The following TSG101 variants were observed in gnomAD, a reference collection of about 807,000 sequenced individuals.
The protein encoded by TSG101 is tumor susceptibility gene 101 protein.
TSG101 carries 19 observed loss-of-function variants against 48.5 expected under a neutral mutation model. The ratio of observed to expected loss-of-function variants is 0.39; its 90% CI spans 0.27 to 0.58. The LOEUF is 0.58. Among genes scored for constraint, TSG101 ranks in the 20% least tolerant of loss-of-function variants. The pLI, the probability that TSG101 is intolerant of heterozygous loss-of-function variation, is 0.55. For synonymous variants in TSG101, 174 were observed against 169.4 expected (o/e 1.03, Z -0.21); for missense variants, 365 against 484.4 (o/e 0.75, Z 2.31).
At chr11:18,506,159 T>A (rs1191539556) in intron 6 of TSG101, among the ~76,000 whole-genome samples, 1 of 152,084 alleles carries the variant, frequency 6.6e-6, no homozygotes, top group Non-Finnish European at 1.5e-5. Context: ...TGTGTGTGTA[T>A]AATTTGAAAG....
chr11:18,484,166 G>C (rs751924467), intron 7 of TSG101, 94 bp from the exon 8 acceptor site: 1 of 1,248,726 alleles, frequency 8.0e-7, no homozygotes, highest in East Asian at 2.3e-5. Flanking sequence ...AATATGAACC[G>C]ACACTTTCAA....
chr11:18,506,653 G>A (rs1185257136), intron 6 of TSG101, among the ~76,000 whole-genome samples: 3 of 151,698 alleles, frequency 2.0e-5, no homozygotes, highest in Non-Finnish European at 4.4e-5. Context: ...TTGCGCCACT[G>A]TACTCCAGCC....
At chr11:18,502,770 T>G (rs911356626) in intron 6 of TSG101, among the ~76,000 whole-genome samples, 193 bp from the exon 7 acceptor site, 16 of 152,236 alleles carry the variant, frequency 1.1e-4, no homozygotes. Context: ...CATTTACTCT[T>G]AAATGGCTAA....
Position 18,512,176 on chromosome 11 carries a change from G to A in TSG101, c.357+2502C>T, listed in dbSNP as rs77363968. Among the ~76,000 whole-genome samples, 511 of 152,124 alleles carry A rather than the reference G, an allele frequency of 3.4e-3. 5 individuals are homozygous for A. Among genetic ancestry groups the A allele is most frequent in the East Asian group, 0.03 (157 of 5,174 alleles). On this transcript the variant is annotated intron_variant, in intron 4 of 9. Coordinates refer to ENST00000251968, the MANE Select transcript of TSG101 (RefSeq NM_006292.4). ...TCCCAGCACTTTGGGAGGCTGAGGC[G>A]GACGGATCACCTGAAGTCAAGAGTT... is the stretch of plus-strand genomic sequence containing the variant.
At chr11:18,525,540 T>TAAAAAAAAA (rs756622322) in intron 1 of TSG101, 1 of 110,558 alleles carries the variant, frequency 9.0e-6, no homozygotes, top group African/African-American at 5.1e-5. Context: ...AGCAAGACTC[T>TAAAAAAAAA]AAAAAAAAAA....
At chr11:18,514,552 T>C in intron 4 of TSG101, 126 bp downstream of exon 4, 1 of 629,352 alleles carries the variant, frequency 1.6e-6, no homozygotes, top group South Asian at 4.5e-5. Context: ...CTCAACTCAG[T>C]GATTAGTCCA....
At position 18,483,292 on chromosome 11, in the gene TSG101, C is replaced by T. The variant is rs185527919; in HGVS notation, c.843+578G>A. On this transcript the variant is annotated intron_variant, in intron 8 of 9. Coordinates refer to ENST00000251968, the MANE Select transcript of TSG101 (RefSeq NM_006292.4). The stretch of plus-strand genomic sequence containing the variant: ...GGTGGATCACCTGAGATCAGGAGTT[C>T]GGGACGAGCCTGGCCAACATGGTGA... Among the ~76,000 whole-genome samples, 560 of 152,072 alleles carry T rather than the reference C, an allele frequency of 3.7e-3. 2 individuals are homozygous for T. The highest frequency in any genetic ancestry group is 0.013 in the African/African-American group (540 of 41,458).
intron 7 of TSG101, among the ~76,000 whole-genome samples, chr11:18,496,595 G>A (rs1214062036): frequency 2.6e-5 from 4 of 152,098 alleles, no homozygotes; most frequent in Admixed American, 6.5e-5. Flanking sequence ...AGGCCAGCAC[G>A]GGTGGATCAC....
rs1396932268 is a variant in TSG101, at chr11:18,480,528, C to T, written c.*18G>A. On this transcript the variant is annotated 3_prime_UTR_variant, in exon 10 of 10. Coordinates refer to ENST00000251968, the MANE Select transcript of TSG101 (RefSeq NM_006292.4). ...AATACTTTAAGAAGAGCTCAACCTC[C>T]AGCTGGTATCAGAGAAGTCAGTAGA... The T allele has an allele frequency of 1.2e-6, 2 of 1,605,284 alleles. No individual in the cohort carries two copies. The highest frequency in any genetic ancestry group is 1.3e-5 in the African/African-American group (1 of 74,756).
At chr11:18,484,596 A>G (rs1310776642) in intron 7 of TSG101, among the ~76,000 whole-genome samples, 2 of 152,118 alleles carry the variant, frequency 1.3e-5, no homozygotes, top group African/African-American at 4.8e-5. Context: ...CTTTACCAAC[A>G]GGACAGAACA....
At chr11:18,514,622 C>G (rs1850139606) in intron 4 of TSG101, 56 bp downstream of exon 4, 1 of 1,428,074 alleles carries the variant, frequency 7.0e-7, no homozygotes, top group Non-Finnish European at 9.2e-7. Flanking sequence ...AAAGCAGATG[C>G]TAGTGAGCAA....
intron 7 of TSG101, among the ~76,000 whole-genome samples, chr11:18,501,649 A>G (rs964881813): frequency 6.6e-6 from 1 of 152,228 alleles, no homozygotes; most frequent in African/African-American, 2.4e-5. Context: ...TTCTATGGAA[A>G]CTGACATTGG....
chr11:18,481,416 G>A lies in TSG101; in HGVS notation c.1083+214C>T, dbSNP rs1849537757. 3.3e-5 allele frequency: 44 copies of A among 1,344,210 alleles called. 1 individual carries two copies. Among genetic ancestry groups the A allele is most frequent in the Non-Finnish European group, 4.0e-5 (42 of 1,048,344 alleles). The allele number at this position is 1,344,210 out of a possible 1,614,324, so 83.3% of individuals were successfully genotyped here. A position where few individuals can be genotyped will look rare whatever the true frequency, so the allele number is the denominator to read the frequency against. ...TGCTGCCTGTGGGCAGAGAACTGCA[G>A]CCACCAGCCCACTTCTCTTCCCCTG... On this transcript the variant is annotated intron_variant, in intron 9 of 9. Coordinates refer to ENST00000251968, the MANE Select transcript of TSG101 (RefSeq NM_006292.4).
At chr11:18,516,540 T>G (rs1850177942) in intron 2 of TSG101, among the ~76,000 whole-genome samples, 1 of 152,010 alleles carries the variant, frequency 6.6e-6, no homozygotes, top group African/African-American at 2.4e-5. Context: ...GAGATGGGGC[T>G]TCACCATGTT....
chr11:18,497,014 C>G lies in TSG101; in HGVS notation c.640+5472G>C, dbSNP rs935598826. ...GCTGAGGCAGTAGAACTGCTTGAACCTGAGAGGTGGAGGTTGCAGTGAGCC... is the reference window on the plus strand; with the variant it reads ...GCTGAGGCAGTAGAACTGCTTGAACGTGAGAGGTGGAGGTTGCAGTGAGCC... On this transcript the variant is annotated intron_variant, in intron 7 of 9. Transcript: ENST00000251968. 1.5e-4 allele frequency among the ~76,000 whole-genome samples: 23 copies of G among 152,166 alleles called. 2 individuals carry two copies. The highest frequency in any genetic ancestry group is 7.2e-4 in the Admixed American group (11 of 15,288).
intron 6 of TSG101, among the ~76,000 whole-genome samples, chr11:18,506,045 G>A (rs2133921490): frequency 6.6e-6 from 1 of 152,126 alleles, no homozygotes; most frequent in South Asian, 2.1e-4. Context: ...TCGAACTCCT[G>A]ACCTCAGGAC....
At chr11:18,519,672 T>C in intron 1 of TSG101, 69 bp from the exon 2 acceptor site, 7 of 1,133,118 alleles carry the variant, frequency 6.2e-6, no homozygotes, top group Non-Finnish European at 9.0e-6. Flanking sequence ...GGATGAATTT[T>C]CTTAAAATCT....
intron 3 of TSG101, among the ~76,000 whole-genome samples, chr11:18,515,883 G>A (rs1006407890): frequency 2.6e-5 from 4 of 152,140 alleles, no homozygotes; most frequent in Admixed American, 2.0e-4. Flanking sequence ...GGTGAACTTA[G>A]GCACTTATTT....
At chr11:18,522,901 T>C (rs1850302384) in intron 1 of TSG101, among the ~76,000 whole-genome samples, 1 of 152,216 alleles carries the variant, frequency 6.6e-6, no homozygotes. Flanking sequence ...CCAGGTTTGT[T>C]TTTTTCTTGA....
Sources: allele counts gnomAD v4.1 joint callset (sites outside exome capture counted in the v4.1 genomes callset), GRCh38; gene constraint gnomAD v4.1.1; transcripts MANE v1.5; gene names NCBI Gene and HGNC (gene_info 2026-07-23, HGNC 2026-07-21).